THNSL1: variants seen among roughly 807,000 people sequenced by gnomAD.
The protein encoded by THNSL1 is threonine synthase-like 1.
A neutral mutation model predicts 50.4 loss-of-function variants in THNSL1; 48 were observed. The ratio of observed to expected loss-of-function variants is 0.95; its 90% confidence interval spans 0.76 to 1.21. The LOEUF (loss-of-function observed/expected upper bound fraction) is 1.21, where lower values mean the gene tolerates loss of function less well. THNSL1 is among the 50% of genes most tolerant of loss of function. THNSL1 has a pLI of 0.00. For synonymous variants in THNSL1, 309 were observed against 306.1 expected (o/e 1.01, Z -0.10); for missense variants, 896 against 871.7 (o/e 1.03, Z -0.35).
chr10:24,953,328 C>A, the THNSL1 span: 1 of 152,354 alleles, frequency 6.6e-6, no homozygotes, highest in Non-Finnish European at 1.5e-5. Flanking sequence ...TGGCCCGGAT[C>A]TGCAGTGATC....
chr10:24,967,970 TG>T, the THNSL1 span, among the ~76,000 whole-genome samples: 3 of 148,770 alleles, frequency 2.0e-5, no homozygotes, highest in African/African-American at 7.6e-5. Flanking sequence ...TGTGTATGTA[TG>T]ATGTGTGTGT....
chr10:25,016,197 T>A (rs572018896), upstream of THNSL1: 19 of 1,174,074 alleles, frequency 1.6e-5, no homozygotes, highest in East Asian at 6.7e-4. Flanking sequence ...AACGAGGAAG[T>A]GGCAGGCAGC....
At chr10:25,011,915 GA>G (rs1241068383), upstream of THNSL1, among the ~76,000 whole-genome samples, 1 of 152,224 alleles carries the variant, frequency 6.6e-6, no homozygotes, top group Non-Finnish European at 1.5e-5. Context: ...GAGCCTGTCA[GA>G]GGTCTCCACA....
chr10:25,024,856 A>G lies in THNSL1; in HGVS notation c.1633A>G (p.Lys545Glu), dbSNP rs1475126824. The G allele has an allele frequency of 6.2e-7, 1 of 1,613,996 alleles. No homozygotes were observed. Among genetic ancestry groups the G allele is most frequent in the East Asian group, 2.2e-5 (1 of 44,896 alleles). Residue 545 changes from lysine to glutamate, a missense_variant, in exon 3 of 3, where the codon AAA becomes GAA. Transcript: ENST00000376356. ...NQNHVLTDFIKTGHYDLRERK... is the reference protein window; with the variant it reads ...NQNHVLTDFIETGHYDLRERK... ...GAACCATGTTTTGACTGATTTTATA[A>G]AAACAGGACATTATGATCTAAGGGA...
the THNSL1 span, among the ~76,000 whole-genome samples, chr10:24,975,536 A>G: frequency 6.6e-6 from 1 of 152,184 alleles, no homozygotes; most frequent in South Asian, 2.1e-4. Flanking sequence ...GGAGGTGATT[A>G]AATCATGGGA....
Position 25,023,615 on chromosome 10 carries a change from T to G in THNSL1, c.392T>G (p.Leu131Arg). 1.9e-6 allele frequency: 3 copies of G among 1,614,172 alleles called. No individual in the cohort carries two copies. Among genetic ancestry groups the G allele is most frequent in the Non-Finnish European group, 2.5e-6 (3 of 1,180,018 alleles). The change falls in exon 3 of 3, where the codon CTT (leucine) becomes CGT (arginine). Residue 131 changes from leucine (L) to arginine (R), a missense_variant. Leu to Arg is a moderately radical substitution (Grantham distance 102). Transcript: ENST00000376356. ...TCTGCATCTGGAAGTGTGATTTCCC[T>G]TACTGGGTCCAATCCAATGCATGAT... Reference protein sequence around the residue: ...NFSASGSVISLTGSNPMHDAS... With the variant: ...NFSASGSVISRTGSNPMHDAS...
the THNSL1 span, among the ~76,000 whole-genome samples, chr10:24,967,917 GTGTGTATGATGTGTGTGTATATGTGTGTA>G: frequency 6.6e-6 from 1 of 150,614 alleles, no homozygotes; most frequent in Non-Finnish European, 1.5e-5. Flanking sequence ...ATGTGTATAC[GTGTGTATGATGTGTGTGTATATGTGTGTA>G]TGTGTATGAT....
At chr10:25,020,481 T>A (rs74440391) in intron 1 of THNSL1, among the ~76,000 whole-genome samples, 73 of 152,196 alleles carry the variant, frequency 4.8e-4, no homozygotes, top group African/African-American at 1.8e-3. Context: ...ATGAAAGATT[T>A]ACTGGGCCAG....
chr10:24,967,695 T>C, the THNSL1 span, among the ~76,000 whole-genome samples: 1 of 151,816 alleles, frequency 6.6e-6, no homozygotes, highest in Non-Finnish European at 1.5e-5. Flanking sequence ...TGTCCATATG[T>C]GTGTATGATG....
the THNSL1 span, among the ~76,000 whole-genome samples, chr10:24,970,362 A>G: frequency 1.3e-4 from 20 of 152,184 alleles, no homozygotes; most frequent in Middle Eastern, 3.2e-3. Flanking sequence ...ACTCTTTTAA[A>G]TAGGCAGATG....
At chr10:24,991,981 G>A in the THNSL1 span, among the ~76,000 whole-genome samples, 1 of 152,210 alleles carries the variant, frequency 6.6e-6, no homozygotes, top group African/African-American at 2.4e-5. Flanking sequence ...GGGCACTGAA[G>A]AAGTGAGCCA....
At position 25,025,337 on chromosome 10, in the gene THNSL1, A is replaced by G. The variant is rs17857051; in HGVS notation, c.2114A>G (p.His705Arg). 4 of 1,614,104 alleles carry G rather than the reference A, an allele frequency of 2.5e-6. No individual in the cohort carries two copies. Among genetic ancestry groups the G allele is most frequent in the Non-Finnish European group, 3.4e-6 (4 of 1,180,048 alleles). Reference sequence around the variant, plus strand: ...TCATACAATGCATTACCTCCACTGCATGAGGCTTTATTAGAGAGAACAAAA... The same window carrying G: ...TCATACAATGCATTACCTCCACTGCGTGAGGCTTTATTAGAGAGAACAAAA... Reference protein sequence around the residue: ...LGSYNALPPLHEALLERTKQQ... With the variant: ...LGSYNALPPLREALLERTKQQ... Residue 705 changes from histidine to arginine, a missense_variant, in exon 3 of 3, where the codon CAT becomes CGT. Transcript: ENST00000376356.
At chr10:25,006,403 A>G in the THNSL1 span, among the ~76,000 whole-genome samples, 2 of 151,874 alleles carry the variant, frequency 1.3e-5, no homozygotes, top group African/African-American at 4.8e-5. Flanking sequence ...CTCCTCTGTG[A>G]CTACTGCTTT....
At chr10:24,996,436 A>ATGTGTGTG in the THNSL1 span, among the ~76,000 whole-genome samples, 1 of 148,516 alleles carries the variant, frequency 6.7e-6, no homozygotes, top group Non-Finnish European at 1.5e-5. Context: ...AAGATCATAT[A>ATGTGTGTG]TGTGTGTGTG....
the THNSL1 span, among the ~76,000 whole-genome samples, chr10:24,967,986 A>G: frequency 1.0e-3 from 138 of 136,572 alleles, no homozygotes; most frequent in African/African-American, 3.9e-3. Context: ...GTGTGTATAT[A>G]TGTGTATGAT....
At chr10:25,002,333 T>C in the THNSL1 span, among the ~76,000 whole-genome samples, 1 of 152,216 alleles carries the variant, frequency 6.6e-6, no homozygotes, top group Non-Finnish European at 1.5e-5. Flanking sequence ...CCTCTCTCTA[T>C]GCAACTCTCC....
At chr10:24,955,052 A>G in the THNSL1 span, among the ~76,000 whole-genome samples, 4 of 152,340 alleles carry the variant, frequency 2.6e-5, no homozygotes, top group East Asian at 7.7e-4. Context: ...ACAGTTCTGC[A>G]GGCTGTACAG....
the THNSL1 span, chr10:24,984,756 C>A: frequency 6.2e-7 from 1 of 1,611,818 alleles, no homozygotes; most frequent in Non-Finnish European, 8.5e-7. Context: ...TATAAATAAT[C>A]TTGTGCTTTT....
At chr10:24,979,340 G>GTTTA in the THNSL1 span, among the ~76,000 whole-genome samples, 1 of 152,300 alleles carries the variant, frequency 6.6e-6, no homozygotes, top group South Asian at 2.1e-4. Context: ...CAATGGAAGA[G>GTTTA]TTTAGACTAC....
Sources: gnomAD v4.1 joint callset for allele counts (sites outside exome capture counted in the v4.1 genomes callset) on GRCh38, gnomAD v4.1.1 for gene constraint, MANE v1.5 for transcripts, NCBI Gene and HGNC (gene_info 2026-07-23, HGNC 2026-07-21) for gene names.